GABRA2: variants seen among roughly 807,000 people sequenced by gnomAD.
GABRA2 encodes the protein gamma-aminobutyric acid receptor subunit alpha-2.
In GABRA2, 16 loss-of-function variants were observed where a neutral mutation model predicts 48.7. The observed-to-expected ratio is 0.33, with a 90% confidence interval of 0.22 to 0.50. GABRA2 has a LOEUF of 0.50. Among genes scored for constraint, GABRA2 ranks in the 20% least tolerant of loss-of-function variants. The pLI is 0.98. For missense variants in GABRA2, 275 were observed against 535.6 expected (o/e 0.51, Z 4.80); for synonymous variants, 185 against 184.5 (o/e 1.00, Z -0.02).
chr4:46,332,542 A>T, intron 4 of GABRA2, 73 bp downstream of exon 4: 3 of 844,324 alleles, frequency 3.6e-6, no homozygotes, highest in Non-Finnish European at 6.2e-6. Flanking sequence ...AACACTAAAA[A>T]TGCTAGTTTA....
At chr4:46,332,417 A>G (rs1229497038) in intron 4 of GABRA2, among the ~76,000 whole-genome samples, 198 bp downstream of exon 4, 1 of 152,176 alleles carries the variant, frequency 6.6e-6, no homozygotes, top group African/African-American at 2.4e-5. Context: ...GACGTAAAAT[A>G]CATAGGGCTA....
At chr4:46,312,740 TTGAAA>T in intron 4 of GABRA2, 24 bp from the exon 5 acceptor site, 1 of 1,247,546 alleles carries the variant, frequency 8.0e-7, no homozygotes, top group Non-Finnish European at 1.1e-6. Flanking sequence ...TAGAATTTTT[TTGAAA>T]ATAGTAAATG....
intron 3 of GABRA2, chr4:46,364,792 G>A (rs534966453): frequency 1.2e-4 from 18 of 152,174 alleles, no homozygotes; most frequent in South Asian, 2.1e-4. Context: ...AGACCCACTC[G>A]GATAATGTCC....
chr4:46,324,332 G>T (rs1432732094), intron 4 of GABRA2, among the ~76,000 whole-genome samples: 3 of 151,860 alleles, frequency 2.0e-5, no homozygotes, highest in Non-Finnish European at 4.4e-5. Context: ...TGGGATCTGA[G>T]ACTTTTGATG....
rs1383818050 is a variant in GABRA2 at position 46,245,381 on chromosome 4, C to G, written c.*4927G>C. On this transcript the variant is annotated 3_prime_UTR_variant, in exon 10 of 10. Transcript: ENST00000381620. ...AGAAACCTGGCATTCAAAGATGTTTCTATTCTATCTCATGAAGCAGAATTG... is the reference window on the plus strand; with the variant it reads ...AGAAACCTGGCATTCAAAGATGTTTGTATTCTATCTCATGAAGCAGAATTG... Among the ~76,000 whole-genome samples, 1 of 151,176 alleles carries G rather than the reference C, an allele frequency of 6.6e-6. No individual in the cohort carries two copies. The highest frequency in any genetic ancestry group is 1.5e-5 in the Non-Finnish European group (1 of 67,420).
At chr4:46,252,700 C>T (rs895624728) in intron 9 of GABRA2, among the ~76,000 whole-genome samples, 2 of 151,252 alleles carry the variant, frequency 1.3e-5, no homozygotes, top group Non-Finnish European at 3.0e-5. Context: ...GGTCAATCTT[C>T]AAAAAGGGCT....
chr4:46,312,448 G>T, intron 5 of GABRA2, 48 bp downstream of exon 5: 1 of 1,307,746 alleles, frequency 7.6e-7, no homozygotes, highest in South Asian at 1.3e-5. Context: ...TTTAATACAT[G>T]AAAATTTCTC....
chr4:46,270,878 G>A (rs775222675), intron 8 of GABRA2, among the ~76,000 whole-genome samples: 6 of 151,790 alleles, frequency 4.0e-5, no homozygotes, highest in Middle Eastern at 3.2e-3. Context: ...CATAGAGACT[G>A]ACACTGCTGT....
chr4:46,358,182 T>C (rs1446013790), intron 3 of GABRA2, among the ~76,000 whole-genome samples: 1 of 152,112 alleles, frequency 6.6e-6, no homozygotes, highest in Non-Finnish European at 1.5e-5. Context: ...ACCAAACAAC[T>C]TGTGTTATTA....
At position 46,263,984 on chromosome 4, in the gene GABRA2, GC is replaced by G. The variant is rs1421148785; in HGVS notation, c.857-1857del. On this transcript the variant is annotated intron_variant, in intron 8 of 9. Transcript: ENST00000381620. ...TAATAAACATTTCCATTTATTTAGG[GC>G]TTCTTTAATTTCATACAGCAACATT... Among the ~76,000 whole-genome samples, 12 of 147,690 alleles carry G rather than the reference GC, an allele frequency of 8.1e-5. No individual in the cohort carries two copies. In the Admixed American group the frequency reaches 8.2e-4, roughly 10 times the overall value.
At chr4:46,360,578 G>C (rs1219052978) in intron 3 of GABRA2, among the ~76,000 whole-genome samples, 1 of 152,304 alleles carries the variant, frequency 6.6e-6, no homozygotes, top group South Asian at 2.1e-4. Flanking sequence ...GTATGTCTTT[G>C]TCAGCAGTGT....
At chr4:46,317,800 T>G (rs558004608) in intron 4 of GABRA2, among the ~76,000 whole-genome samples, 3 of 151,862 alleles carry the variant, frequency 2.0e-5, no homozygotes, top group African/African-American at 7.2e-5. Flanking sequence ...AAAAAAAAAT[T>G]TATAATTATC....
chr4:46,254,986 G>A (rs1317195777), intron 9 of GABRA2, among the ~76,000 whole-genome samples: 2 of 151,512 alleles, frequency 1.3e-5, no homozygotes, highest in Non-Finnish European at 3.0e-5. Context: ...CACTGATTCA[G>A]CTCTGAGTCA....
chr4:46,312,128 T>G (rs1158538338), intron 5 of GABRA2, among the ~76,000 whole-genome samples: 1 of 152,138 alleles, frequency 6.6e-6, no homozygotes, highest in African/African-American at 2.4e-5. Context: ...AAAGTCTTAC[T>G]TTGAAATAAC....
intron 3 of GABRA2, among the ~76,000 whole-genome samples, chr4:46,335,001 A>C (rs999219547): frequency 6.6e-6 from 1 of 152,178 alleles, no homozygotes; most frequent in Admixed American, 6.5e-5. Flanking sequence ...CAGAGCTGTA[A>C]ACAACCAACA....
intron 8 of GABRA2, among the ~76,000 whole-genome samples, chr4:46,289,916 T>TA (rs1422233689): frequency 9.0e-5 from 13 of 144,694 alleles, no homozygotes; most frequent in South Asian, 2.1e-4. Flanking sequence ...TATTTTTATT[T>TA]TTTTTTTTTT....
chr4:46,322,298 G>T (rs1729588863), intron 4 of GABRA2, among the ~76,000 whole-genome samples: 1 of 151,834 alleles, frequency 6.6e-6, no homozygotes, highest in Admixed American at 6.6e-5. Flanking sequence ...TGTGAGAAAG[G>T]GAGTTTGAAA....
chr4:46,351,855 T>C (rs144216942), intron 3 of GABRA2, among the ~76,000 whole-genome samples: 15 of 152,172 alleles, frequency 9.9e-5, no homozygotes, highest in African/African-American at 3.6e-4. Flanking sequence ...TGATACACTA[T>C]TAGGAATAGT....
At chr4:46,287,641 AG>A (rs1302341595) in intron 8 of GABRA2, among the ~76,000 whole-genome samples, 1 of 68,284 alleles carries the variant, frequency 1.5e-5, no homozygotes, top group African/African-American at 6.1e-5. Context: ...GGGTGGGGGG[AG>A]GGGGGAGGGA....
Sources: allele counts gnomAD v4.1 joint callset (sites outside exome capture counted in the v4.1 genomes callset), GRCh38; gene constraint gnomAD v4.1.1; transcripts MANE v1.5; gene names NCBI Gene and HGNC (gene_info 2026-07-23, HGNC 2026-07-21).